ZNF678: variants seen among roughly 807,000 people sequenced by gnomAD.
ZNF678 encodes hypothetical protein MGC42493.
A neutral mutation model predicts 3.0 loss-of-function variants in ZNF678; 5 were observed. The observed-to-expected ratio is 1.69, with a 90% CI of 0.88 to 3.56. The LOEUF (loss-of-function observed/expected upper bound fraction) is 3.56, where lower values mean the gene tolerates loss of function less well. ZNF678 is among the 30% of genes most tolerant of loss of function. The probability of loss-of-function intolerance (pLI) is 0.00; values close to 1 mark genes in which losing one functional copy is unlikely to be tolerated. For missense variants in ZNF678, 593 were observed against 605.0 expected (o/e 0.98, Z 0.21); for synonymous variants, 218 against 199.6 (o/e 1.09, Z -0.78).
At chr1:227,672,274 AG>A (rs1329111274) in intron 5 of ZNF678, among the ~76,000 whole-genome samples, 1 of 152,118 alleles carries the variant, frequency 6.6e-6, no homozygotes, top group South Asian at 2.1e-4. Context: ...AGGGAACAGT[AG>A]GGGGAAGAAA....
At chr1:227,588,815 C>T (rs985149001) in intron 1 of ZNF678, among the ~76,000 whole-genome samples, 2 of 151,728 alleles carry the variant, frequency 1.3e-5, no homozygotes, top group African/African-American at 4.8e-5. Flanking sequence ...TGTTTTTTGA[C>T]TTTTTAATAG....
chr1:227,583,940 A>C (rs1657196145), intron 1 of ZNF678, among the ~76,000 whole-genome samples: 1 of 152,200 alleles, frequency 6.6e-6, no homozygotes, highest in Admixed American at 6.5e-5. Flanking sequence ...TCCAAAAACA[A>C]GAGATTCACT....
chr1:227,591,095 A>G (rs1170996067), intron 1 of ZNF678, among the ~76,000 whole-genome samples: 1 of 151,764 alleles, frequency 6.6e-6, no homozygotes, highest in Non-Finnish European at 1.5e-5. Context: ...AATTGCAAAA[A>G]CAAATTTCTT....
chr1:227,679,141 T>C (rs1659727974), downstream of ZNF678, among the ~76,000 whole-genome samples: 1 of 151,576 alleles, frequency 6.6e-6, no homozygotes, highest in Non-Finnish European at 1.5e-5. Flanking sequence ...CAAAAAGGCT[T>C]AAATGAAAAT....
chr1:227,593,070 A>G (rs1397395667), intron 1 of ZNF678, among the ~76,000 whole-genome samples: 1 of 152,202 alleles, frequency 6.6e-6, no homozygotes, highest in African/African-American at 2.4e-5. Context: ...TTGGGGGCTG[A>G]CCCGCAGGGT....
At chr1:227,678,101 A>G (rs1310583315), downstream of ZNF678, among the ~76,000 whole-genome samples, 2 of 152,194 alleles carry the variant, frequency 1.3e-5, no homozygotes, top group Non-Finnish European at 2.9e-5. Context: ...ACTTTAGTCC[A>G]CCAAATAATG....
chr1:227,635,418 T>C (rs1658649892), intron 1 of ZNF678, among the ~76,000 whole-genome samples: 1 of 152,040 alleles, frequency 6.6e-6, no homozygotes, highest in African/African-American at 2.4e-5. Context: ...AATAGAAAAT[T>C]TGTATTTCTT....
At chr1:227,653,166 C>T (rs1659129464) in intron 3 of ZNF678, among the ~76,000 whole-genome samples, 1 of 152,006 alleles carries the variant, frequency 6.6e-6, no homozygotes, top group Non-Finnish European at 1.5e-5. Context: ...ATGACACATC[C>T]CTTTTCTGTT....
intron 1 of ZNF678, chr1:227,582,586 C>G: frequency 4.0e-6 from 1 of 250,882 alleles, no homozygotes; most frequent in South Asian, 4.2e-5. Context: ...GCCTAATCCT[C>G]CCAAAGTTCT....
rs77295228 is a variant in ZNF678, at chr1:227,660,148, A to C, written c.*4320A>C. The C allele has an allele frequency of 7.9e-5, 12 of 152,008 alleles. No homozygotes were observed. Among genetic ancestry groups the C allele is most frequent in the Non-Finnish European group, 1.8e-4 (12 of 68,000 alleles). The allele number at this position is 152,008 out of a possible 1,614,324, so 9.4% of individuals were successfully genotyped here. On this transcript the variant is annotated 3_prime_UTR_variant, in exon 4 of 4. Transcript: ENST00000343776. ...CCATTGGTCTATTTATCTGTTTTTAATGCCAGTATTGGACTGTTTCAGTTA... is the reference window on the plus strand; with the variant it reads ...CCATTGGTCTATTTATCTGTTTTTACTGCCAGTATTGGACTGTTTCAGTTA...
At chr1:227,569,791 A>G (rs1353172635) in intron 1 of ZNF678, among the ~76,000 whole-genome samples, 16 of 151,468 alleles carry the variant, frequency 1.1e-4, no homozygotes, top group African/African-American at 3.6e-4. Flanking sequence ...TTCTTGCTTA[A>G]TTATCCTACG....
intron 1 of ZNF678, among the ~76,000 whole-genome samples, chr1:227,584,077 C>A (rs1171403272): frequency 6.6e-6 from 1 of 152,196 alleles, no homozygotes; most frequent in African/African-American, 2.4e-5. Flanking sequence ...AAGTCTAGAG[C>A]CAGTTCTGAA....
At chr1:227,599,818 AT>A (rs1302645848) in intron 1 of ZNF678, among the ~76,000 whole-genome samples, 1 of 151,834 alleles carries the variant, frequency 6.6e-6, no homozygotes, top group Non-Finnish European at 1.5e-5. Flanking sequence ...TTTTTTCTTT[AT>A]TTTTTTATTT....
downstream of ZNF678, among the ~76,000 whole-genome samples, chr1:227,664,554 G>A (rs575879292): frequency 6.6e-6 from 1 of 152,284 alleles, no homozygotes; most frequent in East Asian, 1.9e-4. Flanking sequence ...GGCATCAGTG[G>A]TGAGAGTTGA....
chr1:227,571,981 G>A (rs1184089278), intron 1 of ZNF678, among the ~76,000 whole-genome samples: 1 of 152,248 alleles, frequency 6.6e-6, no homozygotes, highest in Non-Finnish European at 1.5e-5. Context: ...GGCAGAGCTT[G>A]CAGTGAGCCA....
In ZNF678 at chr1:227,650,679, T is replaced by C. The variant is rs984933917; in HGVS notation, c.-36-277T>C. Among the ~76,000 whole-genome samples the C allele has an allele frequency of 2.6e-5, 4 of 152,282 alleles. No homozygotes were observed. The South Asian group carries it at 8.3e-4, about 32-fold the overall frequency. On this transcript the variant is annotated intron_variant, in intron 2 of 3. Transcript: ENST00000343776. ...TTTATCAATATTTTATTTCCCAATG[T>C]AAAGATTTTTCACTTGTTTAAGTTT...
Position 227,661,540 on chromosome 1 carries a change from A to G in ZNF678, c.*5712A>G, listed in dbSNP as rs1017246989. 1 of 152,182 alleles carries G rather than the reference A, an allele frequency of 6.6e-6. No individual in the cohort carries two copies. The highest frequency in any genetic ancestry group is 1.5e-5 in the Non-Finnish European group (1 of 68,038). The allele number at this position is 152,182 out of a possible 1,614,324, so 9.4% of individuals were successfully genotyped here. On this transcript the variant is annotated 3_prime_UTR_variant, in exon 4 of 4. Coordinates refer to ENST00000343776, the MANE Select transcript of ZNF678 (RefSeq NM_001367909.1). ...CCACAGCATGCCCAGAAGCCTTTTTATGGAGCCAGGCATGGTTGACCTGCT... is the reference window on the plus strand; with the variant it reads ...CCACAGCATGCCCAGAAGCCTTTTTGTGGAGCCAGGCATGGTTGACCTGCT...
At chr1:227,573,281 G>A (rs2102718417) in intron 1 of ZNF678, among the ~76,000 whole-genome samples, 1 of 152,334 alleles carries the variant, frequency 6.6e-6, no homozygotes, top group South Asian at 2.1e-4. Flanking sequence ...CCACAAGTGT[G>A]TCATTGTCTG....
At position 227,591,222 on chromosome 1, in the gene ZNF678, C is replaced by T. The variant is rs1190280155; in HGVS notation, c.-164+27498C>T. On this transcript the variant is annotated intron_variant, in intron 1 of 3. Transcript: ENST00000343776. ...AAACCACGATATTTACTTGAAGATC[C>T]AGTCCAGCTCTATCAATTTTTAGGG... Among the ~76,000 whole-genome samples the T allele has an allele frequency of 4.0e-5, 6 of 151,074 alleles. No individual in the cohort carries two copies. The East Asian group carries it at 1.2e-3, about 29-fold the overall frequency.
Sources: gnomAD v4.1 joint callset for allele counts (sites outside exome capture counted in the v4.1 genomes callset) on GRCh38, gnomAD v4.1.1 for gene constraint, MANE v1.5 for transcripts, NCBI Gene and HGNC (gene_info 2026-07-23, HGNC 2026-07-21) for gene names.